TFAM: variants seen among roughly 807,000 people sequenced by gnomAD.
TFAM encodes transcription factor A, mitochondrial, also known as mitochondrial transcription factor 1.
Under a neutral mutation model 30.6 loss-of-function variants are expected in TFAM, and 13 were observed. That is an observed-to-expected ratio of 0.42 (90% CI 0.28 to 0.67). The LOEUF is 0.67. Among genes scored for constraint, TFAM ranks in the 30% least tolerant of loss-of-function variants. The pLI is 0.21. For missense variants in TFAM, 231 were observed against 293.7 expected (o/e 0.79, Z 1.56); for synonymous variants, 106 against 94.8 (o/e 1.12, Z -0.69).
chr10:58,389,874 C>G (rs2132354746), intron 4 of TFAM, among the ~76,000 whole-genome samples: 1 of 152,266 alleles, frequency 6.6e-6, no homozygotes, highest in South Asian at 2.1e-4. Flanking sequence ...GTTCTTGACT[C>G]CCAGTACCAA....
chr10:58,398,152 C>G lies in TFAM; in HGVS notation c.*3078C>G, dbSNP rs1216735198. On this transcript the variant is annotated 3_prime_UTR_variant, in exon 7 of 7. Transcript: ENST00000487519. ...CATGGCTCACTGCAGCCTTGAACTCCCAGGCTTAAGAGATCCTCCCATCTC... is the reference window on the plus strand; with the variant it reads ...CATGGCTCACTGCAGCCTTGAACTCGCAGGCTTAAGAGATCCTCCCATCTC... 2 of 152,354 alleles carry G rather than the reference C, an allele frequency of 1.3e-5. No individual in the cohort carries two copies. Among genetic ancestry groups the G allele is most frequent in the Non-Finnish European group, 2.9e-5 (2 of 68,176 alleles). 9.4% of individuals were successfully genotyped at this position (152,354 alleles called of 1,614,324 possible). A position where few individuals can be genotyped will look rare whatever the true frequency, so the allele number is the denominator to read the frequency against.
intron 6 of TFAM, 52 bp downstream of exon 6, chr10:58,394,466 G>T: frequency 1.4e-6 from 2 of 1,438,100 alleles, no homozygotes; most frequent in South Asian, 1.1e-5. Context: ...ATCTGTGAGA[G>T]AATGTATTAG....
intron 5 of TFAM, among the ~76,000 whole-genome samples, chr10:58,392,574 TG>T (rs1399935049): frequency 6.6e-6 from 1 of 152,206 alleles, no homozygotes; most frequent in Non-Finnish European, 1.5e-5. Flanking sequence ...GCTTTTAGTA[TG>T]GTACCATTTC....
At chr10:58,393,651 G>T (rs1840633481) in intron 5 of TFAM, among the ~76,000 whole-genome samples, 5 of 152,154 alleles carry the variant, frequency 3.3e-5, no homozygotes, top group African/African-American at 9.7e-5. Flanking sequence ...AATTTGGGAA[G>T]CGGGGTGGGA....
At chr10:58,388,383 CT>C in intron 3 of TFAM, 123 bp downstream of exon 3, 3 of 865,768 alleles carry the variant, frequency 3.5e-6, no homozygotes, top group Non-Finnish European at 3.8e-6. Flanking sequence ...TACAAAGAAA[CT>C]TTATGTCTTC....
At chr10:58,394,153 T>A (rs1247380453) in intron 5 of TFAM, among the ~76,000 whole-genome samples, 2 of 152,202 alleles carry the variant, frequency 1.3e-5, no homozygotes, top group African/African-American at 4.8e-5. Context: ...AATATTAATA[T>A]TTCCGAATCA....
At chr10:58,394,825 C>A in intron 6 of TFAM, 103 bp from the exon 7 acceptor site, 1 of 1,161,284 alleles carries the variant, frequency 8.6e-7, no homozygotes, top group Non-Finnish European at 1.2e-6. Context: ...AATGTAATTT[C>A]TAAAGTATAT....
rs993355721 is a variant in TFAM, at chr10:58,398,895, G to A, written c.*3821G>A. The A allele has an allele frequency of 1.6e-4, 24 of 152,104 alleles. No individual in the cohort carries two copies. Among genetic ancestry groups the A allele is most frequent in the African/African-American group, 5.3e-4 (22 of 41,424 alleles). 9.4% of individuals were successfully genotyped at this position (152,104 alleles called of 1,614,324 possible). Reference sequence around the variant, plus strand: ...TGAAAATGTTACAAGCACAGACTATGTTGTATGTTTTGAAATTTTAGAACA... The same window carrying A: ...TGAAAATGTTACAAGCACAGACTATATTGTATGTTTTGAAATTTTAGAACA... On this transcript the variant is annotated 3_prime_UTR_variant, in exon 7 of 7. Transcript: ENST00000487519.
intron 4 of TFAM, among the ~76,000 whole-genome samples, chr10:58,389,608 C>T (rs544615329): frequency 6.6e-5 from 10 of 152,256 alleles, no homozygotes; most frequent in Non-Finnish European, 1.3e-4. Flanking sequence ...CGCCCAGTTT[C>T]GAGACCATGA....
At chr10:58,391,078 AT>A (rs1840590096) in intron 5 of TFAM, among the ~76,000 whole-genome samples, 1 of 152,084 alleles carries the variant, frequency 6.6e-6, no homozygotes, top group African/African-American at 2.4e-5. Context: ...AACTTTTTAA[AT>A]TTAAATACTT....
Position 58,395,505 on chromosome 10 carries a change from C to A in TFAM, c.*431C>A. The A allele has an allele frequency of 3.9e-6, 1 of 256,332 alleles. No individual in the cohort carries two copies. The allele number at this position is 256,332 out of a possible 1,614,324, so 15.9% of individuals were successfully genotyped here. On this transcript the variant is annotated 3_prime_UTR_variant, in exon 7 of 7. Coordinates refer to ENST00000487519, the MANE Select transcript of TFAM (RefSeq NM_003201.3). ...AAGTGTGTGTTTTTCATAAAGCAGGCAGAACTCATCTAGGTAAATTACAGT... is the reference window on the plus strand; with the variant it reads ...AAGTGTGTGTTTTTCATAAAGCAGGAAGAACTCATCTAGGTAAATTACAGT...
chr10:58,386,732 C>CT, intron 2 of TFAM: 1 of 1,069,660 alleles, frequency 9.3e-7, no homozygotes, highest in Non-Finnish European at 1.1e-6. Context: ...TTCTGTAGAA[C>CT]TGTAAAGTTC....
At chr10:58,388,919 T>C (rs1840541846) in intron 4 of TFAM, 100 bp downstream of exon 4, 8 of 1,095,662 alleles carry the variant, frequency 7.3e-6, no homozygotes, top group Non-Finnish European at 1.1e-5. Flanking sequence ...TAAAATATGG[T>C]AGAATGTCAT....
At chr10:58,392,240 T>C (rs1840610705) in intron 5 of TFAM, among the ~76,000 whole-genome samples, 2 of 152,200 alleles carry the variant, frequency 1.3e-5, no homozygotes, top group African/African-American at 4.8e-5. Context: ...GTCTGTATCC[T>C]CACATTCACT....
Position 58,395,250 on chromosome 10 carries a change from G to C in TFAM, c.*176G>C. 1.5e-6 allele frequency: 1 copy of C among 667,938 alleles called. No individual in the cohort carries two copies. The allele number at this position is 667,938 out of a possible 1,614,324, so 41.4% of individuals were successfully genotyped here. ...CATAATACTTGCTTTGGAAAACCCAGATAAAGGTTCATGCAAACTTTATTT... is the reference window on the plus strand; with the variant it reads ...CATAATACTTGCTTTGGAAAACCCACATAAAGGTTCATGCAAACTTTATTT... On this transcript the variant is annotated 3_prime_UTR_variant, in exon 7 of 7. Coordinates refer to ENST00000487519, the MANE Select transcript of TFAM (RefSeq NM_003201.3).
intron 2 of TFAM, chr10:58,386,561 C>T: frequency 5.1e-6 from 4 of 788,576 alleles, no homozygotes; most frequent in Non-Finnish European, 7.4e-6. Flanking sequence ...GTGTAGAAAG[C>T]ACCCTAGGAA....
chr10:58,386,441 C>T lies in TFAM; in HGVS notation c.220+103C>T, dbSNP rs1382618931. 5 of 881,030 alleles carry T rather than the reference C, an allele frequency of 5.7e-6. No homozygotes were observed. The African/African-American group carries it at 8.3e-5, about 15-fold the overall frequency. The allele number at this position is 881,030 out of a possible 1,614,324, so 54.6% of individuals were successfully genotyped here. On this transcript the variant is annotated intron_variant, in intron 2 of 6. Coordinates refer to ENST00000487519, the MANE Select transcript of TFAM (RefSeq NM_003201.3). ...GCAGTGCTAAAGCATTCAGTGACTG[C>T]AGGAACAATCATTTGATGTCTGTAA...
intron 5 of TFAM, 48 bp downstream of exon 5, chr10:58,390,908 GA>G: frequency 6.6e-7 from 1 of 1,510,896 alleles, no homozygotes; most frequent in Non-Finnish European, 9.0e-7. Flanking sequence ...ATTTAGACAG[GA>G]AAAGTCTAGA....
intron 4 of TFAM, 29 bp downstream of exon 4, chr10:58,388,848 A>G: frequency 6.4e-7 from 1 of 1,565,712 alleles, no homozygotes. Flanking sequence ...CTTTTTTCTT[A>G]TGGTAAAGAA....
Sources: gnomAD v4.1 joint callset for allele counts (sites outside exome capture counted in the v4.1 genomes callset) on GRCh38, gnomAD v4.1.1 for gene constraint, MANE v1.5 for transcripts, NCBI Gene and HGNC (gene_info 2026-07-23, HGNC 2026-07-21) for gene names.